IL19: variants seen among roughly 807,000 people sequenced by gnomAD.
The protein encoded by IL19 is interleukin-19.
In IL19, 15 loss-of-function variants were observed where a neutral mutation model predicts 19.5. The ratio of observed to expected loss-of-function variants is 0.77; its 90% CI spans 0.52 to 1.19. IL19 has a LOEUF of 1.19. Ranked by LOEUF, IL19 falls within the 50% of genes most tolerant of loss-of-function variation. The pLI is 0.00. For synonymous variants in IL19, 78 were observed against 78.3 expected (o/e 1.00, Z 0.02); for missense variants, 199 against 213.1 (o/e 0.93, Z 0.41).
At chr1:206,797,657 C>A (rs900724088) in intron 1 of IL19, among the ~76,000 whole-genome samples, 1 of 152,188 alleles carries the variant, frequency 6.6e-6, no homozygotes, top group African/African-American at 2.4e-5. Flanking sequence ...TTTCCTGCTG[C>A]CTCCTCCAGA....
chr1:206,842,134 C>T (rs1677037182), intron 6 of IL19, among the ~76,000 whole-genome samples: 1 of 152,142 alleles, frequency 6.6e-6, no homozygotes, highest in Non-Finnish European at 1.5e-5. Context: ...TCTCCCTACC[C>T]ACTGTCCAGC....
At chr1:206,815,713 G>T (rs1676138313) in intron 2 of IL19, among the ~76,000 whole-genome samples, 1 of 152,040 alleles carries the variant, frequency 6.6e-6, no homozygotes, top group Non-Finnish European at 1.5e-5. Flanking sequence ...TATCTTAAAA[G>T]CAACTATATA....
At chr1:206,834,167 A>C in intron 2 of IL19, 7 of 985,492 alleles carry the variant, frequency 7.1e-6, no homozygotes, top group Non-Finnish European at 8.4e-6. Flanking sequence ...CAGAAGAAAG[A>C]GGCATTTCAT....
intron 2 of IL19, among the ~76,000 whole-genome samples, chr1:206,811,461 AAAAG>A (rs2102467898): frequency 6.6e-6 from 1 of 151,364 alleles, no homozygotes; most frequent in South Asian, 2.1e-4. Context: ...AAAAAAAAAA[AAAAG>A]TTTGGTGACC....
chr1:206,820,320 T>C (rs1187807067), intron 2 of IL19, among the ~76,000 whole-genome samples: 1 of 152,198 alleles, frequency 6.6e-6, no homozygotes, highest in African/African-American at 2.4e-5. Context: ...TCTGTAACCT[T>C]CAAGATACCA....
At chr1:206,830,269 C>G (rs1320660062) in intron 2 of IL19, among the ~76,000 whole-genome samples, 1 of 152,100 alleles carries the variant, frequency 6.6e-6, no homozygotes, top group East Asian at 1.9e-4. Context: ...TGAGTTATCT[C>G]TGTTATATTT....
At chr1:206,782,645 C>T (rs1414103579) in intron 1 of IL19, among the ~76,000 whole-genome samples, 1 of 152,188 alleles carries the variant, frequency 6.6e-6, no homozygotes. Context: ...CAGTGCCTCA[C>T]AAGCGGTGTT....
Position 206,776,160 on chromosome 1 carries a change from T to A in IL19, c.-149+5082T>A, listed in dbSNP as rs35813701. On this transcript the variant is annotated intron_variant, in intron 1 of 6. Transcript: ENST00000659997. ...AAGGAAAACCTGAGTAAGCATGGCT[T>A]TTAAAAGAGGGGGTTGTATTTTATT... Among the ~76,000 whole-genome samples, 995 of 152,266 alleles carry A rather than the reference T, an allele frequency of 6.5e-3. 6 individuals are homozygous for A. Among genetic ancestry groups the A allele is most frequent in the Non-Finnish European group, 0.011 (748 of 68,022 alleles).
chr1:206,783,853 T>A (rs1355451771), intron 1 of IL19, among the ~76,000 whole-genome samples: 2 of 152,180 alleles, frequency 1.3e-5, no homozygotes, highest in African/African-American at 4.8e-5. Flanking sequence ...CTATATACAA[T>A]TGGAGATGAT....
At chr1:206,775,221 T>C (rs1800891) in intron 1 of IL19, among the ~76,000 whole-genome samples, 9,143 of 152,026 alleles carry the variant, frequency 0.06, 275 homozygotes, top group Middle Eastern at 0.088. Flanking sequence ...TTTTTATTTT[T>C]TTTTGTATTT....
At chr1:206,825,848 A>G (rs1228369672) in intron 2 of IL19, among the ~76,000 whole-genome samples, 3 of 152,222 alleles carry the variant, frequency 2.0e-5, no homozygotes, top group African/African-American at 7.2e-5. Flanking sequence ...CATTCAGTCA[A>G]CAAACTTGGA....
intron 2 of IL19, chr1:206,829,101 G>A (rs1435690709): frequency 7.5e-5 from 11 of 147,060 alleles, no homozygotes; most frequent in Admixed American, 3.5e-4. Context: ...CTCCCACCTC[G>A]GCTTCCCAAA....
intron 4 of IL19, among the ~76,000 whole-genome samples, chr1:206,837,410 T>C (rs185221836): frequency 2.4e-4 from 36 of 151,964 alleles, no homozygotes; most frequent in African/African-American, 8.5e-4. Context: ...AGATAATGGG[T>C]GTAAGATCAG....
chr1:206,782,544 C>G (rs565986783), intron 1 of IL19, among the ~76,000 whole-genome samples: 3 of 152,336 alleles, frequency 2.0e-5, no homozygotes, highest in African/African-American at 7.2e-5. Context: ...GAGAAGCCTA[C>G]TGCTGTATTC....
intron 1 of IL19, among the ~76,000 whole-genome samples, chr1:206,777,427 A>C (rs1301575991): frequency 3.3e-5 from 5 of 149,802 alleles, no homozygotes; most frequent in Non-Finnish European, 5.9e-5. Context: ...AAAAAAAAAG[A>C]ATCTGCCTCC....
chr1:206,799,070 G>T, intron 2 of IL19, 64 bp downstream of exon 2: 1 of 1,117,732 alleles, frequency 8.9e-7, no homozygotes, highest in Non-Finnish European at 1.4e-6. Context: ...GAGATATCCA[G>T]TTTATTTCAA....
At chr1:206,835,973 T>A (rs1676778177) in intron 2 of IL19, among the ~76,000 whole-genome samples, 1 of 152,240 alleles carries the variant, frequency 6.6e-6, no homozygotes, top group Non-Finnish European at 1.5e-5. Flanking sequence ...AGCAGCTAGC[T>A]GCAAACATGC....
chr1:206,806,590 G>A (rs141574912), intron 2 of IL19, among the ~76,000 whole-genome samples: 6 of 152,072 alleles, frequency 3.9e-5, no homozygotes, highest in South Asian at 2.1e-4. Flanking sequence ...GTATGCACTC[G>A]GAAAATACAA....
At chr1:206,777,552 G>A (rs1398490757) in intron 1 of IL19, among the ~76,000 whole-genome samples, 1 of 152,212 alleles carries the variant, frequency 6.6e-6, no homozygotes. Flanking sequence ...GCCTTGTGAG[G>A]GTGGCTCTGG....
Sources: gnomAD v4.1 joint callset for allele counts (sites outside exome capture counted in the v4.1 genomes callset) on GRCh38, gnomAD v4.1.1 for gene constraint, MANE v1.5 for transcripts, NCBI Gene and HGNC (gene_info 2026-07-23, HGNC 2026-07-21) for gene names.